The following PRPSAP1 variants were observed in gnomAD, a reference collection of about 807,000 sequenced individuals.
PRPSAP1 encodes the protein phosphoribosyl pyrophosphate synthase-associated protein 1.
PRPSAP1 carries 31 observed loss-of-function variants against 39.4 expected under a neutral mutation model. That is an observed-to-expected ratio of 0.79 (90% CI 0.59 to 1.06). The LOEUF is 1.06. PRPSAP1 is among the 50% of genes least tolerant of loss of function. The pLI, the probability that PRPSAP1 is intolerant of heterozygous loss-of-function variation, is 0.00. For synonymous variants in PRPSAP1, 212 were observed against 192.6 expected, an observed-to-expected ratio of 1.10 and a Z score of -0.83; for missense variants, 430 against 511.6, an observed-to-expected ratio of 0.84 and a Z score of 1.54.
intron 3 of PRPSAP1, among the ~76,000 whole-genome samples, chr17:76,343,037 A>G (rs1167462328): frequency 6.6e-6 from 1 of 152,230 alleles, no homozygotes; most frequent in Non-Finnish European, 1.5e-5. Flanking sequence ...AGATCACACC[A>G]CTGCACTCCA....
chr17:76,310,899 A>AT lies in PRPSAP1; in HGVS notation c.*642dup. 6.6e-6 allele frequency: 1 copy of AT among 152,068 alleles called. No individual in the cohort carries two copies. Among genetic ancestry groups the AT allele is most frequent in the Non-Finnish European group, 1.5e-5 (1 of 68,032 alleles). 9.4% of individuals were successfully genotyped at this position (152,068 alleles called of 1,614,324 possible). On this transcript the variant is annotated 3_prime_UTR_variant, in exon 10 of 10. Transcript: ENST00000446526. ...CAGACCTGACTGCTGTTCTGTATCC[A>AT]TGGTCTTCTGCTGTCTAATGAAAAG... is the stretch of plus-strand genomic sequence containing the variant.
At chr17:76,350,633 C>T (rs1429804078) in intron 1 of PRPSAP1, among the ~76,000 whole-genome samples, 1 of 152,088 alleles carries the variant, frequency 6.6e-6, no homozygotes, top group Non-Finnish European at 1.5e-5. Flanking sequence ...TTAATGGGTA[C>T]AGAGTTTCTG....
rs982495419 is a variant in PRPSAP1 at position 76,328,881 on chromosome 17, A to G, written c.636-19T>C. ...CTGGGCCCTAGAAGGACAAAGGGAA[A>G]TGGTGAAACTGACAGGAAGAAATCC... On this transcript the variant is annotated intron_variant, in intron 6 of 9. Transcript: ENST00000446526. The G allele has an allele frequency of 6.3e-7, 1 of 1,589,476 alleles. No homozygotes were observed. The highest frequency in any genetic ancestry group is 8.6e-7 in the Non-Finnish European group (1 of 1,167,956).
chr17:76,334,192 T>TG (rs1190232597), intron 3 of PRPSAP1, among the ~76,000 whole-genome samples: 1 of 151,738 alleles, frequency 6.6e-6, no homozygotes, highest in African/African-American at 2.4e-5. Context: ...GGGGTGGGGG[T>TG]GGGGGTCAGG....
intron 7 of PRPSAP1, among the ~76,000 whole-genome samples, chr17:76,320,339 G>A (rs1319653851): frequency 2.0e-5 from 2 of 97,904 alleles, no homozygotes; most frequent in African/African-American, 1.3e-4. Flanking sequence ...GAGGGAGGGA[G>A]GGAGGAAGGA....
At chr17:76,326,098 G>C (rs1404312414) in intron 7 of PRPSAP1, among the ~76,000 whole-genome samples, 11 of 152,100 alleles carry the variant, frequency 7.2e-5, no homozygotes, top group Admixed American at 5.9e-4. Flanking sequence ...AACTGAACCT[G>C]CAATATTTAA....
intron 7 of PRPSAP1, 121 bp from the exon 8 acceptor site, chr17:76,314,012 C>A: frequency 9.9e-7 from 1 of 1,013,106 alleles, no homozygotes; most frequent in Non-Finnish European, 1.5e-6. Flanking sequence ...AACAAACAAA[C>A]CATGCAAATT....
Position 76,310,559 on chromosome 17 carries a change from T to C in PRPSAP1, c.*983A>G, listed in dbSNP as rs1052115534. ...TAGTTCACTGCAGCTTCAACCTCCT[T>C]GGCTCAGGCAATCCTCCCACCTCAG... On this transcript the variant is annotated 3_prime_UTR_variant, in exon 10 of 10. Transcript: ENST00000446526. The C allele has an allele frequency of 2.6e-5, 4 of 151,858 alleles. No individual in the cohort carries two copies. Among genetic ancestry groups the C allele is most frequent in the African/African-American group, 9.7e-5 (4 of 41,288 alleles). The allele number at this position is 151,858 out of a possible 1,614,324, so 9.4% of individuals were successfully genotyped here.
At chr17:76,346,758 G>A (rs1435811661) in intron 2 of PRPSAP1, among the ~76,000 whole-genome samples, 3 of 152,218 alleles carry the variant, frequency 2.0e-5, no homozygotes, top group East Asian at 3.8e-4. Context: ...TTGGCCGGGC[G>A]CGGTGGCTCC....
intron 3 of PRPSAP1, among the ~76,000 whole-genome samples, chr17:76,335,935 C>T (rs764503541): frequency 6.6e-6 from 1 of 152,042 alleles, no homozygotes; most frequent in African/African-American, 2.4e-5. Context: ...TGAGCTGTGA[C>T]TGCACCACTG....
chr17:76,337,299 A>G (rs186610482), intron 3 of PRPSAP1: 31 of 152,434 alleles, frequency 2.0e-4, no homozygotes, highest in African/African-American at 7.5e-4. Context: ...TTGGACAGGC[A>G]AAAACTAACC....
intron 7 of PRPSAP1, among the ~76,000 whole-genome samples, chr17:76,317,703 C>T (rs1465605417): frequency 1.3e-5 from 2 of 152,182 alleles, no homozygotes; most frequent in East Asian, 1.9e-4. Context: ...CATCTTCACT[C>T]GTGAAATTAA....
chr17:76,342,993 C>T (rs1379563684), intron 3 of PRPSAP1, among the ~76,000 whole-genome samples: 1 of 151,982 alleles, frequency 6.6e-6, no homozygotes, highest in Non-Finnish European at 1.5e-5. Flanking sequence ...GGTAGAATCA[C>T]TTGAACCCGG....
chr17:76,343,485 G>A (rs889008619), intron 3 of PRPSAP1, among the ~76,000 whole-genome samples: 1 of 152,262 alleles, frequency 6.6e-6, no homozygotes, highest in Admixed American at 6.5e-5. Flanking sequence ...GCAGAGCTGA[G>A]CTGACGGACA....
chr17:76,348,465 T>A, intron 2 of PRPSAP1, 64 bp downstream of exon 2: 1 of 1,084,038 alleles, frequency 9.2e-7, no homozygotes, highest in East Asian at 3.4e-5. Flanking sequence ...AGAGTGAGGC[T>A]CTGTCTCAAA....
In PRPSAP1 at chr17:76,332,347, A is replaced by G; in HGVS notation, c.379T>C (p.Tyr127His). Residue 127 changes from tyrosine to histidine, a missense_variant, in exon 4 of 10, where the codon TAC becomes CAC. Tyr to His is a moderately conservative substitution (Grantham distance 83). Transcript: ENST00000446526. ...CARNIIGVIP[Y>H]FPYSKQSKMR... ...TTGCTCTGCTTGCTGTAGGGGAAGT[A>G]GGGGATGACCCCAATAATGTTCCTG... The G allele has an allele frequency of 6.2e-7, 1 of 1,614,186 alleles. No individual in the cohort carries two copies. The highest frequency in any genetic ancestry group is 8.5e-7 in the Non-Finnish European group (1 of 1,180,038).
Position 76,336,019 on chromosome 17 carries a change from AAAATACACAAGTGTATGAC to A in PRPSAP1, c.291-3603_291-3585del. On this transcript the variant is annotated intron_variant, in intron 3 of 9. Transcript: ENST00000446526. ...CAAAAAAATAAAAACAAAATCAAGT[AAAATACACAAGTGTATGAC>A]ACCATGAGTTTTGGAGAACACAGCA... Among the ~76,000 whole-genome samples, 4 of 152,288 alleles carry A rather than the reference AAAATACACAAGTGTATGAC, an allele frequency of 2.6e-5. No individual in the cohort carries two copies. In the Middle Eastern group the frequency reaches 0.014, roughly 518 times the overall value.
intron 3 of PRPSAP1, among the ~76,000 whole-genome samples, chr17:76,337,015 G>A (rs1216782974): frequency 6.6e-6 from 1 of 152,174 alleles, no homozygotes; most frequent in African/African-American, 2.4e-5. Context: ...AATGTTGCAA[G>A]TACACCCTGG....
intron 7 of PRPSAP1, among the ~76,000 whole-genome samples, chr17:76,320,305 A>AGGG (rs770076884): frequency 0.81 from 109,962 of 135,072 alleles, 44,975 homozygotes; most frequent in African/African-American, 0.84. Context: ...AAAGAAAAGA[A>AGGG]AGGAAGGGAG....
Sources: allele counts gnomAD v4.1 joint callset (sites outside exome capture counted in the v4.1 genomes callset), GRCh38; gene constraint gnomAD v4.1.1; transcripts MANE v1.5; gene names NCBI Gene and HGNC (gene_info 2026-07-23, HGNC 2026-07-21).